SLC8A1: variants seen among roughly 807,000 people sequenced by gnomAD.
The protein encoded by SLC8A1 is solute carrier family 8 member A1.
A neutral mutation model predicts 68.3 loss-of-function variants in SLC8A1; 18 were observed. That is an observed-to-expected ratio of 0.26 (90% confidence interval 0.18 to 0.39). The LOEUF is 0.39. SLC8A1 is among the 10% of genes least tolerant of loss of function. SLC8A1 has a pLI of 1.00. For missense variants in SLC8A1, 985 were observed against 1,156.7 expected, an observed-to-expected ratio of 0.85 and a Z score of 2.15; for synonymous variants, 475 against 415.5, an observed-to-expected ratio of 1.14 and a Z score of -1.74.
intron 2 of SLC8A1, among the ~76,000 whole-genome samples, chr2:40,296,224 T>A (rs940358564): frequency 1.3e-5 from 2 of 152,160 alleles, no homozygotes; most frequent in African/African-American, 2.4e-5. Context: ...AAAAAATACA[T>A]GCTAGAAAGT....
At chr2:40,217,207 G>A (rs550611866) in intron 2 of SLC8A1, among the ~76,000 whole-genome samples, 49 of 152,234 alleles carry the variant, frequency 3.2e-4, no homozygotes, top group African/African-American at 1.2e-3. Context: ...TTCTGCATAT[G>A]GCTAACCAGT....
intron 2 of SLC8A1, among the ~76,000 whole-genome samples, chr2:40,217,223 T>C (rs529817599): frequency 2.0e-5 from 3 of 152,312 alleles, no homozygotes; most frequent in Admixed American, 2.0e-4. Flanking sequence ...CCAGTTTTTC[T>C]ACCACCATTT....
In SLC8A1 at chr2:40,302,488, A is replaced by G. The variant is rs566913680; in HGVS notation, c.1809-124633T>C. Among the ~76,000 whole-genome samples, 402 of 150,388 alleles carry G rather than the reference A, an allele frequency of 2.7e-3. 1 individual carries two copies. The highest frequency in any genetic ancestry group is 4.1e-3 in the Non-Finnish European group (276 of 67,692). On this transcript the variant is annotated intron_variant, in intron 2 of 7. Coordinates refer to ENST00000406785, the Ensembl canonical transcript of SLC8A1. The stretch of plus-strand genomic sequence containing the variant: ...GTGTATACACACATATATATGATAC[A>G]TATATATCATATATGTGTGTGTATA...
chr2:40,391,623 C>G (rs1296108579), intron 2 of SLC8A1, among the ~76,000 whole-genome samples: 1 of 152,116 alleles, frequency 6.6e-6, no homozygotes, highest in East Asian at 1.9e-4. Flanking sequence ...GTCTTTACTT[C>G]AAAGTCTTCT....
intron 1 of SLC8A1, among the ~76,000 whole-genome samples, chr2:40,497,014 T>G (rs569598517): frequency 6.6e-6 from 1 of 151,426 alleles, no homozygotes; most frequent in Non-Finnish European, 1.5e-5. Flanking sequence ...GCATGGCACA[T>G]GTATACATAT....
chr2:40,184,898 C>CAAAAAAAAAAAAAAAAAAAAA (rs66662572), intron 2 of SLC8A1, among the ~76,000 whole-genome samples: 12 of 106,522 alleles, frequency 1.1e-4, no homozygotes, highest in East Asian at 5.9e-4. Context: ...TAACCAAAAA[C>CAAAAAAAAAAAAAAAAAAAAA]AAAAAAAAAA....
intron 2 of SLC8A1, among the ~76,000 whole-genome samples, chr2:40,383,030 T>C (rs1682404842): frequency 1.3e-5 from 2 of 152,128 alleles, no homozygotes; most frequent in African/African-American, 2.4e-5. Context: ...TGGCACATAG[T>C]GCTTGGCAAA....
chr2:40,194,398 G>A (rs546781889), intron 2 of SLC8A1, among the ~76,000 whole-genome samples: 1 of 151,676 alleles, frequency 6.6e-6, no homozygotes, highest in South Asian at 2.1e-4. Context: ...TACAAGTTGA[G>A]GTGTGGGAAA....
intron 2 of SLC8A1, among the ~76,000 whole-genome samples, chr2:40,205,816 G>GGA (rs2055321222): frequency 7.8e-6 from 1 of 128,866 alleles, no homozygotes; most frequent in Non-Finnish European, 1.6e-5. Context: ...AAAATATCTT[G>GGA]AAAAAAAAAA....
chr2:40,382,061 G>T (rs1194797746), intron 2 of SLC8A1, among the ~76,000 whole-genome samples: 1 of 152,038 alleles, frequency 6.6e-6, no homozygotes, highest in Non-Finnish European at 1.5e-5. Context: ...TTTCTGTGCA[G>T]CAAGCAGTAG....
At chr2:40,507,540 A>T (rs892594378) in intron 1 of SLC8A1, among the ~76,000 whole-genome samples, 3 of 152,050 alleles carry the variant, frequency 2.0e-5, no homozygotes, top group Non-Finnish European at 4.4e-5. Context: ...AACACTACTG[A>T]ATATCTTTCA....
chr2:40,354,586 A>G (rs1284780412), intron 2 of SLC8A1, among the ~76,000 whole-genome samples: 2 of 152,202 alleles, frequency 1.3e-5, no homozygotes, highest in Non-Finnish European at 2.9e-5. Context: ...AGGTGACTCT[A>G]CAGAGCACAG....
chr2:40,475,349 G>T (rs1398687537), intron 1 of SLC8A1, among the ~76,000 whole-genome samples: 1 of 151,888 alleles, frequency 6.6e-6, no homozygotes, highest in Admixed American at 6.6e-5. Flanking sequence ...TAGCCAGGAT[G>T]GTCTCGATCT....
At chr2:40,173,757 A>G (rs2148531122) in intron 4 of SLC8A1, among the ~76,000 whole-genome samples, 1 of 147,276 alleles carries the variant, frequency 6.8e-6, no homozygotes, top group African/African-American at 2.5e-5. Context: ...AAATTTTGAT[A>G]TTGGCACAAT....
At chr2:40,423,654 A>T (rs975450668) in intron 2 of SLC8A1, among the ~76,000 whole-genome samples, 1 of 151,992 alleles carries the variant, frequency 6.6e-6, no homozygotes, top group African/African-American at 2.4e-5. Flanking sequence ...TGATATTATA[A>T]CCCCAAGCTT....
intron 2 of SLC8A1, among the ~76,000 whole-genome samples, chr2:40,237,010 C>T (rs1415047180): frequency 6.8e-6 from 1 of 147,766 alleles, no homozygotes. Context: ...GTAACCCGAC[C>T]TTTCTCTCTG....
chr2:40,181,906 A>T (rs915838671), intron 2 of SLC8A1, among the ~76,000 whole-genome samples: 1 of 152,230 alleles, frequency 6.6e-6, no homozygotes, highest in Non-Finnish European at 1.5e-5. Context: ...AGGGGATAGT[A>T]TGGGGTTGGT....
chr2:40,209,745 G>A (rs1441620057), intron 2 of SLC8A1, among the ~76,000 whole-genome samples: 1 of 152,104 alleles, frequency 6.6e-6, no homozygotes, highest in Admixed American at 6.5e-5. Flanking sequence ...TCTGCGGAGA[G>A]TCTCTTCTGA....
At chr2:40,322,068 T>C (rs889864590) in intron 2 of SLC8A1, among the ~76,000 whole-genome samples, 1 of 152,116 alleles carries the variant, frequency 6.6e-6, no homozygotes, top group African/African-American at 2.4e-5. Flanking sequence ...AGTTCACATA[T>C]TTTTAGCAGT....
Sources: gnomAD v4.1 joint callset for allele counts (sites outside exome capture counted in the v4.1 genomes callset) on GRCh38, gnomAD v4.1.1 for gene constraint, MANE v1.5 for transcripts, NCBI Gene and HGNC (gene_info 2026-07-23, HGNC 2026-07-21) for gene names.